Variants in PDE4D observed in about 807,000 individuals in gnomAD.
PDE4D encodes the protein 3',5'-cyclic-AMP phosphodiesterase 4D.
Under a neutral mutation model 87.4 loss-of-function variants are expected in PDE4D, and 24 were observed. The observed-to-expected ratio is 0.27, with a 90% CI of 0.20 to 0.39. PDE4D has a LOEUF of 0.39. Among genes scored for constraint, PDE4D ranks in the 10% least tolerant of loss-of-function variants. PDE4D has a pLI of 1.00. For missense variants in PDE4D, 714 were observed against 1,041.0 expected, an observed-to-expected ratio of 0.69 and a Z score of 4.32; for synonymous variants, 384 against 383.2, an observed-to-expected ratio of 1.00 and a Z score of -0.02.
intron 2 of PDE4D, among the ~76,000 whole-genome samples, chr5:60,060,743 C>T (rs1049701288): frequency 3.9e-5 from 6 of 151,996 alleles, no homozygotes; most frequent in Non-Finnish European, 7.4e-5. Context: ...GATATGTCAG[C>T]CTCTTCAGCC....
chr5:59,719,112 C>T (rs534394039), intron 1 of PDE4D, among the ~76,000 whole-genome samples: 1 of 152,026 alleles, frequency 6.6e-6, no homozygotes, highest in Admixed American at 6.6e-5. Flanking sequence ...TGAGTCAGGC[C>T]ATGTACCAAA....
At chr5:60,457,416 C>G (rs1746559467) in intron 1 of PDE4D, among the ~76,000 whole-genome samples, 1 of 152,148 alleles carries the variant, frequency 6.6e-6, no homozygotes, top group African/African-American at 2.4e-5. Context: ...CATTTCCTTC[C>G]TTCTCTGCTT....
rs78702024 is a variant in PDE4D, at chr5:59,206,799, G to C, written c.647+8978C>G. On this transcript the variant is annotated intron_variant, in intron 2 of 14. Transcript: ENST00000340635. ...ATCAATTAATACACACCTTTATTTA[G>C]AATGTGGTGGAAAACACGTATTGGT... Among the ~76,000 whole-genome samples the C allele has an allele frequency of 5.7e-3, 861 of 152,184 alleles. 4 individuals carry two copies. The highest frequency in any genetic ancestry group is 0.02 in the African/African-American group (821 of 41,514).
chr5:60,066,209 G>GT (rs1772064818), intron 2 of PDE4D, among the ~76,000 whole-genome samples: 2 of 152,060 alleles, frequency 1.3e-5, no homozygotes, highest in Non-Finnish European at 1.5e-5. Context: ...TTTTTCATGT[G>GT]TTTTTTGGCT....
At chr5:60,079,158 AT>A (rs1308991924) in intron 2 of PDE4D, among the ~76,000 whole-genome samples, 9 of 152,076 alleles carry the variant, frequency 5.9e-5, no homozygotes, top group Admixed American at 6.6e-5. Flanking sequence ...CTTTTTTCAT[AT>A]GTTTGCTGGC....
chr5:60,263,764 A>C (rs1749889879), intron 1 of PDE4D, among the ~76,000 whole-genome samples: 1 of 152,216 alleles, frequency 6.6e-6, no homozygotes, highest in South Asian at 2.1e-4. Flanking sequence ...AAAACCTATT[A>C]TGAAAAATAA....
At chr5:59,095,186 C>T (rs6869400) in intron 5 of PDE4D, among the ~76,000 whole-genome samples, 10,298 of 151,502 alleles carry the variant, frequency 0.068, 1,126 homozygotes, top group African/African-American at 0.23. Flanking sequence ...TTTTTGCTAT[C>T]AACTAATGAC....
At chr5:59,642,546 T>G (rs1741771202) in intron 1 of PDE4D, among the ~76,000 whole-genome samples, 2 of 152,136 alleles carry the variant, frequency 1.3e-5, no homozygotes, top group African/African-American at 4.8e-5. Flanking sequence ...GATCTGATGG[T>G]TTTATCAGGG....
At position 59,428,300 on chromosome 5, in the gene PDE4D, G is replaced by A. The variant is rs115832681; in HGVS notation, c.456-212332C>T. 5.3e-3 allele frequency among the ~76,000 whole-genome samples: 807 copies of A among 151,974 alleles called. 10 individuals are homozygous for A. Among genetic ancestry groups the A allele is most frequent in the African/African-American group, 0.017 (710 of 41,450 alleles). On this transcript the variant is annotated intron_variant, in intron 1 of 14. Coordinates refer to ENST00000340635, the MANE Select transcript of PDE4D (RefSeq NM_001104631.2). ...TACTTCATTTTCTCTATGGATTTTC[G>A]TGAAAAGCCAATTTTTTTTATCTTT...
At chr5:59,309,092 T>C (rs1402747808) in intron 1 of PDE4D, among the ~76,000 whole-genome samples, 1 of 152,042 alleles carries the variant, frequency 6.6e-6, no homozygotes, top group African/African-American at 2.4e-5. Context: ...CTAGTCTCAC[T>C]CTCACTGTGT....
At chr5:60,381,374 C>T (rs145151001) in intron 1 of PDE4D, among the ~76,000 whole-genome samples, 26 of 152,304 alleles carry the variant, frequency 1.7e-4, no homozygotes, top group African/African-American at 6.3e-4. Context: ...GAAGCTTGCA[C>T]CTAATTTCTC....
chr5:59,826,929 C>T (rs981793192), intron 1 of PDE4D, among the ~76,000 whole-genome samples: 10 of 152,070 alleles, frequency 6.6e-5, no homozygotes, highest in African/African-American at 1.4e-4. Flanking sequence ...GAACAGGAAT[C>T]GTCTATAGGA....
At chr5:59,337,451 G>A (rs763624304) in intron 1 of PDE4D, among the ~76,000 whole-genome samples, 4 of 150,802 alleles carry the variant, frequency 2.7e-5, no homozygotes, top group Non-Finnish European at 5.9e-5. Context: ...TCCTGCGTCA[G>A]CCTAAGTTCC....
chr5:59,786,557 C>T (rs1422343875), intron 1 of PDE4D, among the ~76,000 whole-genome samples: 1 of 152,230 alleles, frequency 6.6e-6, no homozygotes, highest in Non-Finnish European at 1.5e-5. Flanking sequence ...TCTTGACATT[C>T]TGCTACCTGC....
At chr5:59,987,258 T>G (rs982781220) in intron 3 of PDE4D, 3 of 152,182 alleles carry the variant, frequency 2.0e-5, no homozygotes, top group Non-Finnish European at 2.9e-5. Flanking sequence ...TTTCAAAAAA[T>G]GTTCAGGTCA....
At chr5:59,168,749 G>C (rs970454317) in intron 5 of PDE4D, among the ~76,000 whole-genome samples, 1 of 152,188 alleles carries the variant, frequency 6.6e-6, no homozygotes, top group African/African-American at 2.4e-5. Flanking sequence ...TAACTTTTGA[G>C]GACCAGCACA....
At chr5:59,789,666 T>G (rs893053666) in intron 1 of PDE4D, among the ~76,000 whole-genome samples, 1 of 152,344 alleles carries the variant, frequency 6.6e-6, no homozygotes, top group Middle Eastern at 3.4e-3. Flanking sequence ...AATGGCATTT[T>G]AATCTAAGAT....
intron 1 of PDE4D, among the ~76,000 whole-genome samples, chr5:59,389,318 T>A (rs1396822783): frequency 6.7e-6 from 1 of 149,784 alleles, no homozygotes; most frequent in Admixed American, 6.7e-5. Context: ...TTCAAGAAAT[T>A]TAAAAGTAAA....
intron 1 of PDE4D, among the ~76,000 whole-genome samples, chr5:60,495,382 A>T (rs1216787320): frequency 6.6e-6 from 1 of 152,180 alleles, no homozygotes; most frequent in Non-Finnish European, 1.5e-5. Context: ...AAAATGGTAG[A>T]TCCCTGGCTC....
Sources: allele counts gnomAD v4.1 joint callset (sites outside exome capture counted in the v4.1 genomes callset), GRCh38; gene constraint gnomAD v4.1.1; transcripts MANE v1.5; gene names NCBI Gene and HGNC (gene_info 2026-07-23, HGNC 2026-07-21).